PRSS23: variants seen among roughly 807,000 people sequenced by gnomAD.
PRSS23 encodes serine protease 23.
In PRSS23, 25 loss-of-function variants were observed where a neutral mutation model predicts 34.7. That is an observed-to-expected ratio of 0.72 (90% confidence interval 0.53 to 1.01). The LOEUF (loss-of-function observed/expected upper bound fraction) is 1.01, where lower values mean the gene tolerates loss of function less well. Ranked by LOEUF, PRSS23 falls within the 50% of genes least tolerant of loss-of-function variation. The pLI is 0.00. For synonymous variants in PRSS23, 176 were observed against 186.6 expected, an observed-to-expected ratio of 0.94 and a Z score of 0.46; for missense variants, 445 against 475.6, an observed-to-expected ratio of 0.94 and a Z score of 0.60.
chr11:86,867,874 CAAA>C (rs11352878), intron 2 of PRSS23, among the ~76,000 whole-genome samples: 37 of 118,264 alleles, frequency 3.1e-4, no homozygotes, highest in Admixed American at 2.5e-4. Flanking sequence ...GACCCTACCT[CAAA>C]AAAAAAAAAA....
intron 2 of PRSS23, among the ~76,000 whole-genome samples, chr11:86,829,232 A>C (rs1251507242): frequency 6.6e-6 from 1 of 151,854 alleles, no homozygotes; most frequent in East Asian, 1.9e-4. Flanking sequence ...TTCTCGCTTC[A>C]TTTCATTCAT....
At chr11:86,823,587 C>G (rs766304318) in exon 2 of PRSS23, 7 of 702,392 alleles carry the variant, frequency 1.0e-5, no homozygotes, top group African/African-American at 7.0e-5. Flanking sequence ...ACAGAAGAGT[C>G]GAGGAGGTAA....
intron 1 of PRSS23, among the ~76,000 whole-genome samples, chr11:86,794,990 T>G (rs986468963): frequency 1.3e-5 from 2 of 152,146 alleles, no homozygotes; most frequent in Non-Finnish European, 2.9e-5. Context: ...TGGCTCTCAT[T>G]TGAATCTATA....
chr11:86,824,722 A>G (rs1359142646), intron 2 of PRSS23, among the ~76,000 whole-genome samples: 2 of 147,262 alleles, frequency 1.4e-5, no homozygotes, highest in Non-Finnish European at 3.0e-5. Flanking sequence ...GAGTGAGAAT[A>G]TGCAGTGTTT....
At chr11:86,902,247 C>T (rs1948916357) in intron 2 of PRSS23, among the ~76,000 whole-genome samples, 1 of 152,186 alleles carries the variant, frequency 6.6e-6, no homozygotes, top group African/African-American at 2.4e-5. Flanking sequence ...ACAACCCCTC[C>T]CCTAAAACCT....
chr11:86,918,395 A>G (rs1003820907), intron 2 of PRSS23, among the ~76,000 whole-genome samples: 4 of 152,188 alleles, frequency 2.6e-5, no homozygotes, highest in Non-Finnish European at 5.9e-5. Flanking sequence ...TTATAATTGC[A>G]TTATTGTCTA....
chr11:86,801,710 C>G (rs547035393), intron 1 of PRSS23, among the ~76,000 whole-genome samples: 142 of 152,238 alleles, frequency 9.3e-4, no homozygotes, highest in South Asian at 3.5e-3. Context: ...CTTGTGCATG[C>G]GAGTATTTGT....
intron 2 of PRSS23, among the ~76,000 whole-genome samples, chr11:86,938,052 A>T (rs978146434): frequency 6.6e-6 from 1 of 152,162 alleles, no homozygotes; most frequent in Non-Finnish European, 1.5e-5. Flanking sequence ...CACTACCTTG[A>T]ACTAGTTGCC....
chr11:86,939,672 C>T (rs1358876091), intron 2 of PRSS23, among the ~76,000 whole-genome samples: 1 of 150,504 alleles, frequency 6.6e-6, no homozygotes, highest in Non-Finnish European at 1.5e-5. Context: ...TTTTTCCTTC[C>T]TGAGAATAAG....
chr11:86,908,977 T>A (rs1366819562), intron 2 of PRSS23: 1 of 37,726 alleles, frequency 2.7e-5, no homozygotes, highest in Non-Finnish European at 7.6e-5. Flanking sequence ...ATCTTTTTCT[T>A]TTTTTTTTTT....
intron 2 of PRSS23, among the ~76,000 whole-genome samples, chr11:86,824,028 AAAAG>A (rs1294565372): frequency 1.3e-4 from 20 of 150,354 alleles, no homozygotes; most frequent in African/African-American, 4.6e-4. Flanking sequence ...AAAAAAAAAA[AAAAG>A]AATTCAGAGC....
intron 2 of PRSS23, among the ~76,000 whole-genome samples, chr11:86,865,254 T>C (rs12361263): frequency 0.31 from 46,979 of 152,166 alleles, 7,491 homozygotes; most frequent in Non-Finnish European, 0.35. Flanking sequence ...TTCCCAGTTC[T>C]ACTATATGTG....
chr11:86,821,192 G>T, intron 1 of PRSS23: 1 of 622,398 alleles, frequency 1.6e-6, no homozygotes, highest in Non-Finnish European at 2.5e-6. Context: ...TTCTAAAATT[G>T]GTACAATGAG....
At chr11:86,822,202 G>A (rs1948257334) in intron 1 of PRSS23, among the ~76,000 whole-genome samples, 1 of 152,150 alleles carries the variant, frequency 6.6e-6, no homozygotes, top group Non-Finnish European at 1.5e-5. Flanking sequence ...GTGTCTTTGT[G>A]AAGTTTACGT....
chr11:86,846,190 C>G (rs1402674725), intron 2 of PRSS23, among the ~76,000 whole-genome samples: 1 of 152,142 alleles, frequency 6.6e-6, no homozygotes, highest in African/African-American at 2.4e-5. Context: ...AGTCAGCCAC[C>G]ACACCAATTC....
chr11:86,838,172 C>A (rs1475389801), intron 2 of PRSS23, among the ~76,000 whole-genome samples: 1 of 152,014 alleles, frequency 6.6e-6, no homozygotes, highest in African/African-American at 2.4e-5. Flanking sequence ...TGCATTGACA[C>A]AGGCACACAC....
intron 2 of PRSS23, among the ~76,000 whole-genome samples, chr11:86,869,438 G>C (rs937500077): frequency 6.6e-6 from 1 of 152,138 alleles, no homozygotes; most frequent in Admixed American, 6.5e-5. Context: ...ATATAGCTTT[G>C]AATGAGACAG....
At chr11:86,945,776 T>C (rs1949237484) in intron 2 of PRSS23, 2 of 152,670 alleles carry the variant, frequency 1.3e-5, no homozygotes, top group South Asian at 2.1e-4. Context: ...CAGACATCGA[T>C]GCAGACATAC....
intron 2 of PRSS23, among the ~76,000 whole-genome samples, chr11:86,940,342 T>C (rs1181602316): frequency 6.6e-6 from 1 of 152,180 alleles, no homozygotes; most frequent in Non-Finnish European, 1.5e-5. Context: ...ACTCCTTGCC[T>C]CTGAAACACT....
Sources: allele counts gnomAD v4.1 joint callset (sites outside exome capture counted in the v4.1 genomes callset), GRCh38; gene constraint gnomAD v4.1.1; transcripts MANE v1.5; gene names NCBI Gene and HGNC (gene_info 2026-07-23, HGNC 2026-07-21).